The following AVL9 variants were observed in gnomAD, a reference collection of about 807,000 sequenced individuals.
AVL9 encodes the protein late secretory pathway protein AVL9 homolog.
In AVL9, 49 loss-of-function variants were observed where a neutral mutation model predicts 79.2. That is an observed-to-expected ratio of 0.62 (90% confidence interval 0.49 to 0.79). The LOEUF (loss-of-function observed/expected upper bound fraction) is 0.79, where lower values mean the gene tolerates loss of function less well. AVL9 is among the 30% of genes least tolerant of loss of function. The pLI, the probability that AVL9 is intolerant of heterozygous loss-of-function variation, is 0.00. For missense variants in AVL9, 682 were observed against 776.8 expected (o/e 0.88, Z 1.45); for synonymous variants, 299 against 280.6 (o/e 1.07, Z -0.65).
At chr7:32,575,236 C>A (rs1243149167) in intron 12 of AVL9, among the ~76,000 whole-genome samples, 5 of 152,056 alleles carry the variant, frequency 3.3e-5, no homozygotes. Flanking sequence ...GTAGCTGGGA[C>A]TACAGGTACC....
intron 1 of AVL9, chr7:32,532,616 C>T (rs945651848): frequency 1.3e-5 from 2 of 152,130 alleles, no homozygotes; most frequent in African/African-American, 2.4e-5. Flanking sequence ...AATCCAAGTA[C>T]TCCAATTTAA....
At chr7:32,524,682 A>G (rs1419922089) in intron 1 of AVL9, among the ~76,000 whole-genome samples, 2 of 152,232 alleles carry the variant, frequency 1.3e-5, no homozygotes, top group Non-Finnish European at 2.9e-5. Flanking sequence ...AATGGGAACT[A>G]GTAAGATTGC....
rs1050867795 is a variant in AVL9 at position 32,581,025 on chromosome 7, A to C, written c.1831+135A>C. The C allele has an allele frequency of 4.0e-6, 3 of 754,216 alleles. No homozygotes were observed. The African/African-American group carries it at 5.3e-5, about 13-fold the overall frequency. The allele number at this position is 754,216 out of a possible 1,614,324, so 46.7% of individuals were successfully genotyped here. A position where few individuals can be genotyped will look rare whatever the true frequency, so the allele number is the denominator to read the frequency against. On this transcript the variant is annotated intron_variant, in intron 15 of 15. Coordinates refer to ENST00000318709, the MANE Select transcript of AVL9 (RefSeq NM_015060.3). Reference sequence around the variant, plus strand: ...ACATAGTAATACAAGAGTTTTTTAAATTTTTGTCATATTCATTTGAAAAAT... The same window carrying C: ...ACATAGTAATACAAGAGTTTTTTAACTTTTTGTCATATTCATTTGAAAAAT...
intron 1 of AVL9, among the ~76,000 whole-genome samples, chr7:32,499,579 AT>A (rs11296248): frequency 0.73 from 109,831 of 151,302 alleles, 39,953 homozygotes; most frequent in South Asian, 0.86. Context: ...CAGAATAACA[AT>A]TTTTTTTTTT....
intron 1 of AVL9, chr7:32,536,307 T>A (rs889818271): frequency 1.3e-5 from 2 of 152,206 alleles, no homozygotes; most frequent in African/African-American, 4.8e-5. Context: ...TCTGTGGTGC[T>A]GGTTAGTTTA....
chr7:32,518,669 T>C (rs1205033700), intron 1 of AVL9, among the ~76,000 whole-genome samples: 1 of 152,044 alleles, frequency 6.6e-6, no homozygotes, highest in Non-Finnish European at 1.5e-5. Flanking sequence ...TTTCCTAAAA[T>C]AAAATGACAG....
Position 32,522,150 on chromosome 7 carries a change from C to A in AVL9, c.94-20991C>A, listed in dbSNP as rs367760354. On this transcript the variant is annotated intron_variant, in intron 1 of 15. Coordinates refer to ENST00000318709, the MANE Select transcript of AVL9 (RefSeq NM_015060.3). ...GGGAAATGTGGGGTTGGAGCCCCCA[C>A]ACAGAGTCCCTACTGGGGCACTGCC... is the stretch of plus-strand genomic sequence containing the variant. Among the ~76,000 whole-genome samples the A allele has an allele frequency of 4.6e-5, 7 of 152,232 alleles. No individual in the cohort carries two copies. The East Asian group carries it at 1.3e-3, about 29-fold the overall frequency.
intron 13 of AVL9, among the ~76,000 whole-genome samples, chr7:32,577,924 A>T (rs1332628472): frequency 1.3e-5 from 2 of 152,192 alleles, no homozygotes; most frequent in Non-Finnish European, 2.9e-5. Context: ...GTCAGCTGAC[A>T]AAAGGCAGAT....
At chr7:32,563,277 C>G (rs1435474254) in intron 10 of AVL9, among the ~76,000 whole-genome samples, 1 of 152,020 alleles carries the variant, frequency 6.6e-6, no homozygotes, top group Admixed American at 6.6e-5. Context: ...GGTGATCCAC[C>G]CACCTTGGCC....
intron 1 of AVL9, among the ~76,000 whole-genome samples, chr7:32,541,523 A>G (rs1410737224): frequency 1.3e-5 from 2 of 152,084 alleles, no homozygotes; most frequent in African/African-American, 2.4e-5. Context: ...TAACTTTTTT[A>G]ACTCTAAAAT....
In AVL9 at chr7:32,571,689, A is replaced by G. The variant is rs1160390949; in HGVS notation, c.1351-1510A>G. On this transcript the variant is annotated intron_variant, in intron 11 of 15. Transcript: ENST00000318709. ...CCCAAATTTGAAGAAGAAAAAGTAC[A>G]TTTTCCAAGACAGGAGGATACAGAT... is the stretch of plus-strand genomic sequence containing the variant. Among the ~76,000 whole-genome samples the G allele has an allele frequency of 1.9e-4, 28 of 150,012 alleles. No homozygotes were observed. In the South Asian group the frequency reaches 5.5e-3, roughly 30 times the overall value.
At chr7:32,555,297 C>G (rs534784113) in intron 8 of AVL9, among the ~76,000 whole-genome samples, 1 of 152,158 alleles carries the variant, frequency 6.6e-6, no homozygotes, top group Admixed American at 6.5e-5. Context: ...GAGCTGAGAT[C>G]GTGCCACTAC....
intron 8 of AVL9, among the ~76,000 whole-genome samples, chr7:32,556,699 A>C (rs1790079200): frequency 6.6e-6 from 1 of 152,206 alleles, no homozygotes; most frequent in African/African-American, 2.4e-5. Flanking sequence ...TAAGGTGTAC[A>C]ATTCAGTGCT....
intron 1 of AVL9, among the ~76,000 whole-genome samples, chr7:32,518,227 T>G (rs1055107652): frequency 4.6e-5 from 7 of 152,220 alleles, no homozygotes; most frequent in Non-Finnish European, 8.8e-5. Context: ...TATTTAATGT[T>G]AAGTTTCTTA....
At chr7:32,545,364 CTTTTT>C (rs10610945) in intron 3 of AVL9, among the ~76,000 whole-genome samples, 1,724 of 73,192 alleles carry the variant, frequency 0.024, 8 homozygotes, top group African/African-American at 0.081. Flanking sequence ...TCTAAGATTT[CTTTTT>C]TTTTTTTTTT....
At chr7:32,558,661 G>T (rs1790190890) in intron 9 of AVL9, 33 bp downstream of exon 9, 10 of 1,524,358 alleles carry the variant, frequency 6.6e-6, no homozygotes, top group South Asian at 1.2e-5. Context: ...TCTTTCTTTT[G>T]TTTAACTTGT....
At chr7:32,535,947 T>G (rs1788886697) in intron 1 of AVL9, 1 of 152,198 alleles carries the variant, frequency 6.6e-6, no homozygotes, top group South Asian at 2.1e-4. Flanking sequence ...TTGCACTCAC[T>G]CCATTCCACT....
At chr7:32,545,287 A>C (rs1319048172) in intron 3 of AVL9, among the ~76,000 whole-genome samples, 1 of 149,366 alleles carries the variant, frequency 6.7e-6, no homozygotes, top group African/African-American at 2.5e-5. Flanking sequence ...TTTTTTAAGC[A>C]GCATTTCAGA....
chr7:32,520,841 T>C (rs1162769197), intron 1 of AVL9, among the ~76,000 whole-genome samples: 1 of 152,112 alleles, frequency 6.6e-6, no homozygotes, highest in Non-Finnish European at 1.5e-5. Context: ...CCCACCCAAA[T>C]CTCAACTTGA....
Sources: gnomAD v4.1 joint callset for allele counts (sites outside exome capture counted in the v4.1 genomes callset) on GRCh38, gnomAD v4.1.1 for gene constraint, MANE v1.5 for transcripts, NCBI Gene and HGNC (gene_info 2026-07-23, HGNC 2026-07-21) for gene names.